The following RBMS3 variants were observed in gnomAD, a reference collection of about 807,000 sequenced individuals.
The protein encoded by RBMS3 is RNA-binding motif, single-stranded-interacting protein 3.
RBMS3 carries 27 observed loss-of-function variants against 66.8 expected under a neutral mutation model. That is an observed-to-expected ratio of 0.40 (90% CI 0.30 to 0.56). RBMS3 has a LOEUF of 0.56. Ranked by LOEUF, RBMS3 falls within the 20% of genes least tolerant of loss-of-function variation. RBMS3 has a pLI of 0.40. For synonymous variants in RBMS3, 188 were observed against 183.0 expected (o/e 1.03, Z -0.22); for missense variants, 513 against 549.5 (o/e 0.93, Z 0.66).
At position 29,999,748 on chromosome 3, in the gene RBMS3, G is replaced by A. The variant is rs190853649; in HGVS notation, c.1308-4108G>A. ...ACAGGAAGGGGAACATCACACACCG[G>A]GGACTGTTGTGGGGTGGGGGGAGTG... On this transcript the variant is annotated intron_variant, in intron 14 of 14. Coordinates refer to ENST00000383767, the MANE Select transcript of RBMS3 (RefSeq NM_001003793.3). Among the ~76,000 whole-genome samples the A allele has an allele frequency of 4.2e-3, 633 of 151,940 alleles. 4 individuals carry two copies. The highest frequency in any genetic ancestry group is 0.014 in the African/African-American group (598 of 41,428).
At chr3:29,648,954 G>A (rs1381817177) in intron 4 of RBMS3, among the ~76,000 whole-genome samples, 1 of 152,068 alleles carries the variant, frequency 6.6e-6, no homozygotes, top group Non-Finnish European at 1.5e-5. Context: ...CAGAACCAAT[G>A]CAACTTCACC....
intron 3 of RBMS3, among the ~76,000 whole-genome samples, chr3:29,541,364 TA>T (rs1171624953): frequency 6.6e-6 from 1 of 152,158 alleles, no homozygotes; most frequent in African/African-American, 2.4e-5. Context: ...CCTAACTTAG[TA>T]AAAGTCAACT....
intron 4 of RBMS3, among the ~76,000 whole-genome samples, chr3:29,596,605 A>G (rs1473022510): frequency 6.6e-6 from 1 of 152,222 alleles, no homozygotes; most frequent in Non-Finnish European, 1.5e-5. Flanking sequence ...TCACTAAGAT[A>G]GTCAAGTGGT....
At chr3:29,858,938 T>G (rs2059145339) in intron 6 of RBMS3, among the ~76,000 whole-genome samples, 1 of 152,204 alleles carries the variant, frequency 6.6e-6, no homozygotes, top group Non-Finnish European at 1.5e-5. Flanking sequence ...TTCTCTGCTT[T>G]TATCGTCACT....
chr3:29,847,450 A>G (rs2058809499), intron 6 of RBMS3, among the ~76,000 whole-genome samples: 1 of 152,196 alleles, frequency 6.6e-6, no homozygotes, highest in African/African-American at 2.4e-5. Flanking sequence ...ATTATGGGCA[A>G]AGATTAAAAT....
chr3:29,410,231 C>G (rs572723969), intron 1 of RBMS3, among the ~76,000 whole-genome samples: 169 of 152,354 alleles, frequency 1.1e-3, no homozygotes, highest in Non-Finnish European at 1.9e-3. Flanking sequence ...TGCCTGCAGC[C>G]TGTAACTTAG....
At chr3:29,438,456 A>G (rs1202769904) in intron 2 of RBMS3, among the ~76,000 whole-genome samples, 1 of 152,184 alleles carries the variant, frequency 6.6e-6, no homozygotes, top group Admixed American at 6.5e-5. Context: ...AGAAAAAGAA[A>G]TTGCATTATT....
chr3:29,399,374 G>A (rs999378971), intron 1 of RBMS3, among the ~76,000 whole-genome samples: 3 of 152,158 alleles, frequency 2.0e-5, no homozygotes, highest in Admixed American at 1.3e-4. Flanking sequence ...TAGGTACAAT[G>A]TAATTGAGCA....
chr3:29,426,007 T>C (rs1575782018), intron 1 of RBMS3, among the ~76,000 whole-genome samples: 1 of 152,216 alleles, frequency 6.6e-6, no homozygotes. Flanking sequence ...ATTGTTCATA[T>C]TGTAGCTAAC....
intron 3 of RBMS3, among the ~76,000 whole-genome samples, chr3:29,552,763 G>A (rs1240651215): frequency 6.6e-6 from 1 of 152,120 alleles, no homozygotes; most frequent in African/African-American, 2.4e-5. Context: ...AATGGAAATG[G>A]TGAACACAAA....
At position 29,911,781 on chromosome 3, in the gene RBMS3, T is replaced by C. The variant is rs1442958057; in HGVS notation, c.939+12026T>C. Among the ~76,000 whole-genome samples the C allele has an allele frequency of 2.6e-5, 4 of 152,082 alleles. No individual in the cohort carries two copies. The East Asian group carries it at 5.8e-4, about 22-fold the overall frequency. On this transcript the variant is annotated intron_variant, in intron 10 of 14. Coordinates refer to ENST00000383767, the MANE Select transcript of RBMS3 (RefSeq NM_001003793.3). The stretch of plus-strand genomic sequence containing the variant: ...TTCTAAGAAAAAATACCAGAACTTA[T>C]ATGTCTACATGAGTTTCTTTTTTCT...
chr3:30,001,446 C>G lies in RBMS3; in HGVS notation c.1308-2410C>G, dbSNP rs139278318. ...GGAGTGAGGAGAGGATTCAAAATGA[C>G]TCTGTATTCTTAAATTCAGTGAAAT... On this transcript the variant is annotated intron_variant, in intron 14 of 14. Coordinates refer to ENST00000383767, the MANE Select transcript of RBMS3 (RefSeq NM_001003793.3). Among the ~76,000 whole-genome samples the G allele has an allele frequency of 9.7e-4, 147 of 152,062 alleles. 1 individual carries two copies. Among genetic ancestry groups the G allele is most frequent in the African/African-American group, 3.2e-3 (131 of 41,498 alleles).
chr3:29,822,341 C>A (rs1006642524), intron 6 of RBMS3, among the ~76,000 whole-genome samples: 1 of 152,122 alleles, frequency 6.6e-6, no homozygotes, highest in African/African-American at 2.4e-5. Context: ...ATTAAGTAGT[C>A]CAAAACATTC....
intron 4 of RBMS3, among the ~76,000 whole-genome samples, chr3:29,604,041 T>C (rs1414962879): frequency 6.6e-6 from 1 of 151,962 alleles, no homozygotes; most frequent in Non-Finnish European, 1.5e-5. Context: ...CTAATCATAC[T>C]GCAATGCATT....
chr3:29,422,556 G>A (rs1292091923), intron 1 of RBMS3, among the ~76,000 whole-genome samples: 1 of 151,898 alleles, frequency 6.6e-6, no homozygotes, highest in African/African-American at 2.4e-5. Flanking sequence ...TTATAATTAA[G>A]AGCAATAGAA....
intron 5 of RBMS3, among the ~76,000 whole-genome samples, chr3:29,758,151 T>G (rs1441450038): frequency 6.6e-6 from 1 of 152,182 alleles, no homozygotes; most frequent in African/African-American, 2.4e-5. Flanking sequence ...GAAAACAACT[T>G]CTTGAAGTAA....
At chr3:29,394,390 T>A (rs183405097) in intron 1 of RBMS3, among the ~76,000 whole-genome samples, 1 of 152,194 alleles carries the variant, frequency 6.6e-6, no homozygotes, top group Non-Finnish European at 1.5e-5. Context: ...CAAACACAAA[T>A]GTTTTACAAA....
chr3:29,346,396 C>CTTTTTTTTTTTTTTTTTTTT (rs34803214), intron 1 of RBMS3, among the ~76,000 whole-genome samples: 1 of 59,962 alleles, frequency 1.7e-5, no homozygotes, highest in Non-Finnish European at 2.9e-5. Flanking sequence ...GCAATTCATT[C>CTTTTTTTTTTTTTTTTTTTT]TTTTTTTTTT....
chr3:29,999,243 C>A (rs1236715897), intron 14 of RBMS3, among the ~76,000 whole-genome samples: 2 of 152,076 alleles, frequency 1.3e-5, no homozygotes, highest in African/African-American at 2.4e-5. Context: ...GAATGGCAAT[C>A]ATTAAAAAGT....
Sources: allele counts gnomAD v4.1 joint callset (sites outside exome capture counted in the v4.1 genomes callset), GRCh38; gene constraint gnomAD v4.1.1; transcripts MANE v1.5; gene names NCBI Gene and HGNC (gene_info 2026-07-23, HGNC 2026-07-21).